CYP4F22: variants seen among roughly 807,000 people sequenced by gnomAD.
CYP4F22 encodes ultra-long-chain fatty acid omega-hydroxylase.
In CYP4F22, 37 loss-of-function variants were observed where a neutral mutation model predicts 60.4. The observed-to-expected ratio is 0.61, with a 90% CI of 0.47 to 0.81. The LOEUF is 0.81. Among genes scored for constraint, CYP4F22 ranks in the 30% least tolerant of loss-of-function variants. The probability of loss-of-function intolerance (pLI) is 0.00; values close to 1 mark genes in which losing one functional copy is unlikely to be tolerated. For missense variants in CYP4F22, 655 were observed against 715.0 expected (o/e 0.92, Z 0.96); for synonymous variants, 258 against 280.5 (o/e 0.92, Z 0.80).
rs759994562 is a variant in CYP4F22, at chr19:15,540,662, T to C, written c.884T>C (p.Leu295Pro). ...ALRQQGAEAW[L>P]KAKQGKTLDF... ...CGTCAGCAGGGGGCCGAGGCCTGGC[T>C]TAAGGCCAAGCAGGGGAAGACCTTG... is the stretch of plus-strand genomic sequence containing the variant. Residue 295 changes from leucine (L) to proline (P), a missense_variant, in exon 8 of 14, where the codon CTT (leucine) becomes CCT (proline). This residue lies in a region of CYP4F22 where 430 missense variants were observed against 457.1 expected (regional missense o/e 0.94). Transcript: ENST00000269703. The C allele has an allele frequency of 8.1e-6, 13 of 1,613,664 alleles. No homozygotes were observed. Among genetic ancestry groups the C allele is most frequent in the Non-Finnish European group, 1.0e-5 (12 of 1,179,966 alleles).
At chr19:15,537,700 G>C in intron 6 of CYP4F22, 38 bp downstream of exon 6, 1 of 1,608,246 alleles carries the variant, frequency 6.2e-7, no homozygotes, top group Non-Finnish European at 8.5e-7. Flanking sequence ...GGTGTCTTGG[G>C]AGTGAGGCTG....
chr19:15,521,954 G>C (rs1971231108), intron 1 of CYP4F22, among the ~76,000 whole-genome samples: 1 of 152,036 alleles, frequency 6.6e-6, no homozygotes, highest in African/African-American at 2.4e-5. Context: ...AGACCAGCCT[G>C]GCCAGCATGG....
At chr19:15,549,576 C>T (rs980491265) in intron 12 of CYP4F22, among the ~76,000 whole-genome samples, 1 of 152,106 alleles carries the variant, frequency 6.6e-6, no homozygotes, top group African/African-American at 2.4e-5. Context: ...ACTTGTAATC[C>T]CAGCACTTTG....
chr19:15,524,839 GAAGAAA>G (rs1045846437), intron 2 of CYP4F22, among the ~76,000 whole-genome samples: 4 of 152,090 alleles, frequency 2.6e-5, no homozygotes, highest in African/African-American at 9.7e-5. Flanking sequence ...AACTGAAAAA[GAAGAAA>G]AAGAAAAAGA....
Position 15,540,308 on chromosome 19 carries a change from T to G in CYP4F22, c.672-142T>G. The G allele has an allele frequency of 9.8e-6, 10 of 1,017,444 alleles. No individual in the cohort carries two copies. The South Asian group carries it at 1.5e-4, about 15-fold the overall frequency. 63.0% of individuals were successfully genotyped at this position (1,017,444 alleles called of 1,614,324 possible). On this transcript the variant is annotated intron_variant, in intron 7 of 13. Coordinates refer to ENST00000269703, the MANE Select transcript of CYP4F22 (RefSeq NM_173483.4). ...GCAAGACCCTATCTAAAAAAATAAA[T>G]AAATGAATTTAAAAATAGAGTTAAT...
intron 7 of CYP4F22, among the ~76,000 whole-genome samples, chr19:15,538,790 T>A (rs1971427908): frequency 6.6e-6 from 1 of 152,224 alleles, no homozygotes; most frequent in Admixed American, 6.6e-5. Context: ...AAATATTTAC[T>A]GAGTGCCTAG....
chr19:15,525,412 A>G lies in CYP4F22; in HGVS notation c.76A>G (p.Thr26Ala), dbSNP rs1462998683. The change falls in exon 3 of 14, where the codon ACC becomes GCC. Residue 26 changes from threonine to alanine, a missense_variant. Thr to Ala is a moderately conservative substitution (Grantham distance 58). This residue lies in a region of CYP4F22 where 430 missense variants were observed against 457.1 expected (regional missense o/e 0.94). Coordinates refer to ENST00000269703, the MANE Select transcript of CYP4F22 (RefSeq NM_173483.4). ...KTAFRIYAVS[T>A]LLLFLLFFLF... ...GGCGTTCCGCATATACGCGGTGTCC[A>G]CCCTTCTCCTCTTCCTGCTCTTCTT... The G allele has an allele frequency of 1.1e-5, 18 of 1,613,914 alleles. No homozygotes were observed. Among genetic ancestry groups the G allele is most frequent in the African/African-American group, 4.0e-5 (3 of 74,868 alleles).
At position 15,515,298 on chromosome 19, in the gene CYP4F22, G is replaced by C. The variant is rs182623121; in HGVS notation, c.-109+6715G>C. 217 of 1,095,662 alleles carry C rather than the reference G, an allele frequency of 2.0e-4. No homozygotes were observed. The African/African-American group carries it at 3.1e-3, about 16-fold the overall frequency. The allele number at this position is 1,095,662 out of a possible 1,614,324, so 67.9% of individuals were successfully genotyped here. A position where few individuals can be genotyped will look rare whatever the true frequency, so the allele number is the denominator to read the frequency against. On this transcript the variant is annotated intron_variant, in intron 1 of 13. Coordinates refer to ENST00000269703, the MANE Select transcript of CYP4F22 (RefSeq NM_173483.4). ...TCAAAGCAGTTTTAATATTTTCAGTGTATATGTTGGGATTTTATAATGGTT... is the reference window on the plus strand; with the variant it reads ...TCAAAGCAGTTTTAATATTTTCAGTCTATATGTTGGGATTTTATAATGGTT...
At chr19:15,523,387 C>A (rs901925371) in intron 1 of CYP4F22, among the ~76,000 whole-genome samples, 3 of 151,902 alleles carry the variant, frequency 2.0e-5, no homozygotes, top group Admixed American at 6.6e-5. Flanking sequence ...AAACTCACAA[C>A]AAGATCCCAT....
chr19:15,516,858 A>G lies in CYP4F22; in HGVS notation c.-108-6835A>G, dbSNP rs552060458. Reference sequence around the variant, plus strand: ...TTCTTTTTTTTTTTTTTTTTTTGAGACGGAGTCTGTTGCCAGGCTGGAGTG... The same window carrying G: ...TTCTTTTTTTTTTTTTTTTTTTGAGGCGGAGTCTGTTGCCAGGCTGGAGTG... On this transcript the variant is annotated intron_variant, in intron 1 of 13. Coordinates refer to ENST00000269703, the MANE Select transcript of CYP4F22 (RefSeq NM_173483.4). The G allele has an allele frequency of 1.4e-3, 392 of 275,724 alleles. 2 individuals are homozygous for G. The highest frequency in any genetic ancestry group is 9.6e-3 in the African/African-American group (355 of 36,856). 17.1% of individuals were successfully genotyped at this position (275,724 alleles called of 1,614,324 possible).
chr19:15,532,466 C>T (rs1484775873), intron 4 of CYP4F22, among the ~76,000 whole-genome samples: 1 of 151,998 alleles, frequency 6.6e-6, no homozygotes, highest in Non-Finnish European at 1.5e-5. Context: ...CCTCTGCCTC[C>T]CGAGTTCAAG....
intron 4 of CYP4F22, among the ~76,000 whole-genome samples, chr19:15,530,412 T>A (rs1406035163): frequency 6.6e-6 from 1 of 152,194 alleles, no homozygotes; most frequent in South Asian, 2.1e-4. Context: ...TTCCCTGGCT[T>A]CCCAGACAGA....
chr19:15,529,263 G>C (rs1326484361), intron 3 of CYP4F22, among the ~76,000 whole-genome samples: 1 of 151,666 alleles, frequency 6.6e-6, no homozygotes, highest in Non-Finnish European at 1.5e-5. Flanking sequence ...TGAGTAGCTG[G>C]GATTACAGGC....
chr19:15,512,923 A>G (rs947013355), intron 1 of CYP4F22, among the ~76,000 whole-genome samples: 3 of 151,398 alleles, frequency 2.0e-5, no homozygotes, highest in Admixed American at 1.3e-4. Flanking sequence ...TTTCCCTTCC[A>G]CCCCTGTCCC....
intron 3 of CYP4F22, among the ~76,000 whole-genome samples, chr19:15,527,354 C>T (rs1971294435): frequency 1.3e-5 from 2 of 152,168 alleles, no homozygotes; most frequent in South Asian, 4.1e-4. Context: ...ACCATCCCTC[C>T]CTAGCTCCAT....
At position 15,551,463 on chromosome 19, in the gene CYP4F22, C is replaced by T. The variant is rs1385402394; in HGVS notation, c.1588C>T (p.Arg530Trp). Residue 530 changes from arginine (R) to tryptophan (W), a missense_variant, in exon 14 of 14, where the codon CGG becomes TGG. By Grantham distance (101) the Arg-to-Trp change is moderately radical (BLOSUM62 -3). Around this residue, in one of 3 missense-constraint regions of CYP4F22, gnomAD observed 151 missense variants for 139.4 expected, o/e 1.08. Transcript: ENST00000269703. ...GCTCAAGGTGGAGCCGCTGCCTCCG[C>T]GGGCCTGAGCGTGGGCGCGCCCCTG... ...LWLKVEPLPP[R>W]A The T allele has an allele frequency of 6.4e-7, 1 of 1,558,968 alleles. No individual in the cohort carries two copies. Among genetic ancestry groups the T allele is most frequent in the South Asian group, 1.2e-5 (1 of 84,902 alleles).
Position 15,525,542 on chromosome 19 carries a change from T to C in CYP4F22, c.206T>C (p.Leu69Pro). The C allele has an allele frequency of 1.2e-6, 2 of 1,608,802 alleles. No individual in the cohort carries two copies. The highest frequency in any genetic ancestry group is 1.7e-6 in the Non-Finnish European group (2 of 1,179,808). The change falls in exon 3 of 14, where the codon CTG becomes CCG. Residue 69 changes from leucine (L) to proline (P), a missense_variant. Coordinates refer to ENST00000269703, the MANE Select transcript of CYP4F22 (RefSeq NM_173483.4). The stretch of plus-strand genomic sequence containing the variant: ...CAGCCTCCCCGGCGCAACTGGCTGC[T>C]GGGCCACCTGGGCATGGTAAGTGTG... ...FPQPPRRNWL[L>P]GHLGMYLPNE...
At chr19:15,545,181 T>C (rs370007224) in intron 10 of CYP4F22, among the ~76,000 whole-genome samples, 2 of 150,900 alleles carry the variant, frequency 1.3e-5, no homozygotes, top group African/African-American at 2.4e-5. Flanking sequence ...AAGCCCAGCA[T>C]GAATGGGGCA....
Position 15,549,160 on chromosome 19 carries a change from C to T in CYP4F22, c.1293C>T (p.Ile431=), listed in dbSNP as rs1971566308. ...IPKGIICLVS[I]YGTHHNPTVW... ...CAGGAATCATCTGCTTGGTCAGCAT[C>T]TATGGAACCCACCACAACCCCACAG... The change falls in exon 12 of 14, where the codon ATC becomes ATT. Residue 431 remains isoleucine (I), a synonymous_variant. Coordinates refer to ENST00000269703, the MANE Select transcript of CYP4F22 (RefSeq NM_173483.4). 1 of 1,614,032 alleles carries T rather than the reference C, an allele frequency of 6.2e-7. No individual in the cohort carries two copies. Among genetic ancestry groups the T allele is most frequent in the Non-Finnish European group, 8.5e-7 (1 of 1,180,014 alleles).
Sources: allele counts gnomAD v4.1 joint callset (sites outside exome capture counted in the v4.1 genomes callset), GRCh38; gene constraint gnomAD v4.1.1; regional missense constraint gnomAD v4.1.1; transcripts MANE v1.5; gene names NCBI Gene and HGNC (gene_info 2026-07-23, HGNC 2026-07-21).